Variants in TXNL1 observed in about 807,000 individuals in gnomAD.
TXNL1 encodes thioredoxin-like protein 1.
TXNL1 carries 14 observed loss-of-function variants against 35.5 expected under a neutral mutation model. That is an observed-to-expected ratio of 0.39 (90% CI 0.26 to 0.62). The LOEUF (loss-of-function observed/expected upper bound fraction) is 0.62, where lower values mean the gene tolerates loss of function less well. Ranked by LOEUF, TXNL1 falls within the 20% of genes least tolerant of loss-of-function variation. The pLI, the probability that TXNL1 is intolerant of heterozygous loss-of-function variation, is 0.47. For missense variants in TXNL1, 263 were observed against 349.7 expected (o/e 0.75, Z 1.98); for synonymous variants, 110 against 115.5 (o/e 0.95, Z 0.31).
At chr18:56,619,536 CCAAAAAAAAAAA>C (rs1357904019) in intron 3 of TXNL1, among the ~76,000 whole-genome samples, 2 of 20,442 alleles carry the variant, frequency 9.8e-5, no homozygotes, top group East Asian at 3.2e-3. Context: ...GACTCTGTCT[CCAAAAAAAAAAA>C]AAAAAAAAAA....
intron 3 of TXNL1, among the ~76,000 whole-genome samples, chr18:56,620,894 C>G (rs1051444672): frequency 4.6e-5 from 7 of 152,146 alleles, no homozygotes; most frequent in African/African-American, 1.7e-4. Context: ...AAATGTATTA[C>G]TCAGGGTAAC....
intron 6 of TXNL1, 79 bp from the exon 7 acceptor site, chr18:56,611,176 T>A: frequency 1.1e-6 from 1 of 950,038 alleles, no homozygotes; most frequent in Non-Finnish European, 1.6e-6. Flanking sequence ...TTCCTTAAAT[T>A]AATAACATAA....
chr18:56,621,773 G>C (rs2024190807), intron 3 of TXNL1, among the ~76,000 whole-genome samples: 1 of 152,112 alleles, frequency 6.6e-6, no homozygotes, highest in African/African-American at 2.4e-5. Flanking sequence ...GCTGAGACAG[G>C]TGGATCACCT....
chr18:56,600,779 C>A lies in TXNL1; in HGVS notation c.*2248G>T, dbSNP rs1435177374. 1 of 152,208 alleles carries A rather than the reference C, an allele frequency of 6.6e-6. No homozygotes were observed. Among genetic ancestry groups the A allele is most frequent in the Non-Finnish European group, 1.5e-5 (1 of 68,054 alleles). The allele number at this position is 152,208 out of a possible 1,614,324, so 9.4% of individuals were successfully genotyped here. A position where few individuals can be genotyped will look rare whatever the true frequency, so the allele number is the denominator to read the frequency against. On this transcript the variant is annotated 3_prime_UTR_variant, in exon 8 of 8. Coordinates refer to ENST00000217515, the MANE Select transcript of TXNL1 (RefSeq NM_004786.3). ...AGAGAACTCAGAAGGATTATAAAAGCCTGTCGTGGGCACAAGAATGTGGTA... is the reference window on the plus strand; with the variant it reads ...AGAGAACTCAGAAGGATTATAAAAGACTGTCGTGGGCACAAGAATGTGGTA...
chr18:56,611,779 C>T (rs1304343653), intron 6 of TXNL1, among the ~76,000 whole-genome samples: 1 of 151,078 alleles, frequency 6.6e-6, no homozygotes, highest in Non-Finnish European at 1.5e-5. Context: ...CTGCAACCTC[C>T]GCCTCCCAGG....
At chr18:56,614,834 T>A (rs1396252346) in intron 5 of TXNL1, among the ~76,000 whole-genome samples, 6 of 152,110 alleles carry the variant, frequency 3.9e-5, no homozygotes, top group Non-Finnish European at 8.8e-5. Flanking sequence ...ATATTAGGAA[T>A]ATAAGATTTA....
intron 7 of TXNL1, chr18:56,609,966 G>A (rs568447606): frequency 6.6e-6 from 1 of 152,306 alleles, no homozygotes; most frequent in South Asian, 2.1e-4. Flanking sequence ...ATACAATTTT[G>A]TAAGATCATC....
intron 2 of TXNL1, among the ~76,000 whole-genome samples, 192 bp from the exon 3 acceptor site, chr18:56,624,653 T>TCA (rs1598920671): frequency 6.6e-6 from 1 of 152,150 alleles, no homozygotes; most frequent in East Asian, 1.9e-4. Context: ...TACATTACCA[T>TCA]CACACACACA....
At chr18:56,621,204 ATTTTTTTT>A (rs34382500) in intron 3 of TXNL1, among the ~76,000 whole-genome samples, 3 of 126,204 alleles carry the variant, frequency 2.4e-5, no homozygotes, top group African/African-American at 5.8e-5. Flanking sequence ...ATATATATGT[ATTTTTTTT>A]TTTTTTTTTT....
In TXNL1 at chr18:56,602,838, T is replaced by G; in HGVS notation, c.*189A>C. On this transcript the variant is annotated 3_prime_UTR_variant, in exon 8 of 8. Coordinates refer to ENST00000217515, the MANE Select transcript of TXNL1 (RefSeq NM_004786.3). ...AGACAAAAATTAAGCTTGGCAAAAG[T>G]GGTGACTTTTATTTACAATTGCATG... 1 of 657,740 alleles carries G rather than the reference T, an allele frequency of 1.5e-6. No individual in the cohort carries two copies. Among genetic ancestry groups the G allele is most frequent in the South Asian group, 1.9e-5 (1 of 52,770 alleles). The allele number at this position is 657,740 out of a possible 1,614,324, so 40.7% of individuals were successfully genotyped here.
At chr18:56,637,124 AAG>A (rs1371293370) in intron 1 of TXNL1, among the ~76,000 whole-genome samples, 2 of 152,192 alleles carry the variant, frequency 1.3e-5, no homozygotes, top group South Asian at 2.1e-4. Context: ...AATTCAGTGT[AAG>A]AGAGACTGGT....
chr18:56,631,027 C>T (rs1353610369), intron 1 of TXNL1, among the ~76,000 whole-genome samples: 2 of 151,764 alleles, frequency 1.3e-5, no homozygotes, highest in South Asian at 2.1e-4. Flanking sequence ...ACTACAGGCA[C>T]GTGCCACCAT....
chr18:56,636,341 C>G (rs1350077907), intron 1 of TXNL1, among the ~76,000 whole-genome samples: 3 of 152,130 alleles, frequency 2.0e-5, no homozygotes, highest in Non-Finnish European at 4.4e-5. Context: ...AGGATTCTTA[C>G]AAGATTTTAC....
At position 56,626,380 on chromosome 18, in the gene TXNL1, A is replaced by G; in HGVS notation, c.176T>C (p.Val59Ala). The change falls in exon 2 of 8, where the codon GTC becomes GCC. Residue 59 changes from valine to alanine, a missense_variant. Val to Ala is a moderately conservative substitution (Grantham distance 64). Transcript: ENST00000217515. ...NKYPQAVFLE[V>A]DVHQCQGTAA... Reference sequence around the variant, plus strand: ...CCTTACCTGACACTGATGTACATCGACTTCCAAGAAAACAGCCTGTGGATA... The same window carrying G: ...CCTTACCTGACACTGATGTACATCGGCTTCCAAGAAAACAGCCTGTGGATA... The G allele has an allele frequency of 6.2e-7, 1 of 1,613,410 alleles. No individual in the cohort carries two copies. The highest frequency in any genetic ancestry group is 8.5e-7 in the Non-Finnish European group (1 of 1,179,778).
intron 1 of TXNL1, among the ~76,000 whole-genome samples, chr18:56,634,692 G>A (rs72943284): frequency 0.015 from 2,287 of 152,196 alleles, 22 homozygotes; most frequent in Middle Eastern, 0.031. Flanking sequence ...AAACTTAAGA[G>A]CTAAAACTAT....
chr18:56,620,363 G>A (rs2024160853), intron 3 of TXNL1, among the ~76,000 whole-genome samples: 1 of 152,082 alleles, frequency 6.6e-6, no homozygotes, highest in South Asian at 2.1e-4. Flanking sequence ...CTTTTTTGGT[G>A]CATACTTTGT....
At chr18:56,628,502 T>C (rs562786429) in intron 1 of TXNL1, among the ~76,000 whole-genome samples, 4 of 152,086 alleles carry the variant, frequency 2.6e-5, no homozygotes, top group Non-Finnish European at 5.9e-5. Flanking sequence ...ATAATGAAAA[T>C]AACTGGTATA....
intron 1 of TXNL1, 123 bp downstream of exon 1, chr18:56,638,220 G>A (rs2024487978): frequency 2.0e-6 from 2 of 996,352 alleles, no homozygotes; most frequent in Admixed American, 6.1e-5. Context: ...GGCAGCTCCT[G>A]GGGCTGCGGC....
At position 56,601,722 on chromosome 18, in the gene TXNL1, CAAG is replaced by C. The variant is rs994386130; in HGVS notation, c.*1302_*1304del. The C allele has an allele frequency of 3.9e-4, 60 of 152,254 alleles. No homozygotes were observed. Among genetic ancestry groups the C allele is most frequent in the African/African-American group, 1.4e-3 (58 of 41,546 alleles). 9.4% of individuals were successfully genotyped at this position (152,254 alleles called of 1,614,324 possible). On this transcript the variant is annotated 3_prime_UTR_variant, in exon 8 of 8. Transcript: ENST00000217515. ...ATGGTATCTCTACCATATTCCTAGACAAGAATGCCCTCAAATGTTTAACTGAAT... is the reference window on the plus strand; with the variant it reads ...ATGGTATCTCTACCATATTCCTAGACAATGCCCTCAAATGTTTAACTGAAT...
Sources: gnomAD v4.1 joint callset for allele counts (sites outside exome capture counted in the v4.1 genomes callset) on GRCh38, gnomAD v4.1.1 for gene constraint, MANE v1.5 for transcripts, NCBI Gene and HGNC (gene_info 2026-07-23, HGNC 2026-07-21) for gene names.